The following GPC6 variants were observed in gnomAD, a reference collection of about 807,000 sequenced individuals.
GPC6 encodes glypican-6.
GPC6 carries 14 observed loss-of-function variants against 55.2 expected under a neutral mutation model. The ratio of observed to expected loss-of-function variants is 0.25; its 90% confidence interval spans 0.17 to 0.40. GPC6 has a LOEUF of 0.40. Ranked by LOEUF, GPC6 falls within the 10% of genes least tolerant of loss-of-function variation. The pLI, the probability that GPC6 is intolerant of heterozygous loss-of-function variation, is 1.00. For synonymous variants in GPC6, 278 were observed against 259.6 expected (o/e 1.07, Z -0.68); for missense variants, 641 against 708.5 (o/e 0.90, Z 1.08).
chr13:93,879,914 A>C (rs1874850928), intron 3 of GPC6, among the ~76,000 whole-genome samples: 1 of 151,504 alleles, frequency 6.6e-6, no homozygotes, highest in Non-Finnish European at 1.5e-5. Context: ...GGACATGAAC[A>C]GACATTTCTC....
At chr13:93,656,629 G>A (rs1312176996) in intron 2 of GPC6, among the ~76,000 whole-genome samples, 2 of 152,024 alleles carry the variant, frequency 1.3e-5, no homozygotes, top group East Asian at 1.9e-4. Context: ...GATTTCAGAG[G>A]ATATGGCTAT....
At chr13:93,765,240 A>AAAGACAACTTTCCAGATAAGCTGTCTGGG (rs2138882924) in intron 2 of GPC6, among the ~76,000 whole-genome samples, 1 of 78,416 alleles carries the variant, frequency 1.3e-5, no homozygotes. Flanking sequence ...AATTGTCTGG[A>AAAGACAACTTTCCAGATAAGCTGTCTGGG]AAGACAACTT....
intron 3 of GPC6, among the ~76,000 whole-genome samples, chr13:94,007,415 G>C (rs1377456226): frequency 6.6e-6 from 1 of 152,142 alleles, no homozygotes. Context: ...TGAACACATG[G>C]ATATTGATAG....
intron 1 of GPC6, among the ~76,000 whole-genome samples, chr13:93,500,310 G>A (rs559075299): frequency 8.5e-5 from 13 of 152,246 alleles, no homozygotes; most frequent in African/African-American, 2.9e-4. Context: ...AAAACACTTA[G>A]AATTTTGAAA....
intron 1 of GPC6, among the ~76,000 whole-genome samples, chr13:93,393,423 A>T (rs2762119): frequency 0.52 from 78,744 of 151,726 alleles, 22,490 homozygotes; most frequent in Non-Finnish European, 0.66. Context: ...GGATTACAGG[A>T]GTGAATCACC....
Position 93,934,414 on chromosome 13 carries a change from C to T in GPC6, c.712-93315C>T, listed in dbSNP as rs534001723. ...AAATGTATTATTAAAATTAAAGTCA[C>T]CTATTTTTTTCCTCTTCTTTCATTT... is the stretch of plus-strand genomic sequence containing the variant. On this transcript the variant is annotated intron_variant, in intron 3 of 8. Coordinates refer to ENST00000377047, the MANE Select transcript of GPC6 (RefSeq NM_005708.5). Among the ~76,000 whole-genome samples, 15 of 152,242 alleles carry T rather than the reference C, an allele frequency of 9.9e-5. No individual in the cohort carries two copies. In the East Asian group the frequency reaches 1.9e-3, roughly 20 times the overall value.
chr13:93,687,800 T>A (rs1275497230), intron 2 of GPC6, among the ~76,000 whole-genome samples: 1 of 114,874 alleles, frequency 8.7e-6, no homozygotes, highest in Non-Finnish European at 2.0e-5. Flanking sequence ...CTGAATGCAT[T>A]GTCTGGGCTC....
Position 93,609,548 on chromosome 13 carries a change from G to A in GPC6, c.319+64127G>A, listed in dbSNP as rs145591368. On this transcript the variant is annotated intron_variant, in intron 2 of 8. Coordinates refer to ENST00000377047, the MANE Select transcript of GPC6 (RefSeq NM_005708.5). Reference sequence around the variant, plus strand: ...CCACCGCGCCCAGCTGCTAACCTGAGTTTCTGTAGCAACTTCCTAACTGAT... The same window carrying A: ...CCACCGCGCCCAGCTGCTAACCTGAATTTCTGTAGCAACTTCCTAACTGAT... Among the ~76,000 whole-genome samples the A allele has an allele frequency of 1.6e-3, 251 of 152,162 alleles. 1 individual carries two copies. The highest frequency in any genetic ancestry group is 5.4e-3 in the African/African-American group (225 of 41,522).
At chr13:93,406,905 G>A (rs1485050333) in intron 1 of GPC6, among the ~76,000 whole-genome samples, 1 of 152,128 alleles carries the variant, frequency 6.6e-6, no homozygotes, top group Admixed American at 6.6e-5. Context: ...GTGAAGGACT[G>A]TTCTAGATTA....
chr13:93,683,068 T>C (rs1881912246), intron 2 of GPC6, among the ~76,000 whole-genome samples: 1 of 152,008 alleles, frequency 6.6e-6, no homozygotes, highest in African/African-American at 2.4e-5. Flanking sequence ...GTCTAGATAT[T>C]AAATCCTTAA....
upstream of GPC6, among the ~76,000 whole-genome samples, chr13:93,226,106 G>GT (rs1429510017): frequency 6.6e-6 from 1 of 152,160 alleles, no homozygotes; most frequent in African/African-American, 2.4e-5. Flanking sequence ...TGAGAATTAT[G>GT]TTAACTTGGA....
intron 1 of GPC6, among the ~76,000 whole-genome samples, chr13:93,272,799 T>C (rs1877582273): frequency 6.6e-6 from 1 of 152,178 alleles, no homozygotes; most frequent in South Asian, 2.1e-4. Flanking sequence ...TCTATGCCTG[T>C]GCCTATCCAT....
At chr13:94,304,509 C>T (rs1875841239) in intron 5 of GPC6, among the ~76,000 whole-genome samples, 2 of 152,274 alleles carry the variant, frequency 1.3e-5, no homozygotes, top group South Asian at 4.1e-4. Flanking sequence ...AGTTAAGGAT[C>T]AGCCCATGTA....
intron 6 of GPC6, among the ~76,000 whole-genome samples, chr13:94,371,181 T>A (rs1035917123): frequency 6.6e-6 from 1 of 152,170 alleles, no homozygotes; most frequent in African/African-American, 2.4e-5. Flanking sequence ...CTAAGATAAT[T>A]GAGAAATGGC....
Position 93,468,723 on chromosome 13 carries a change from A to T in GPC6, c.161-76540A>T, listed in dbSNP as rs541338343. Among the ~76,000 whole-genome samples, 4 of 152,326 alleles carry T rather than the reference A, an allele frequency of 2.6e-5. No individual in the cohort carries two copies. In the South Asian group the frequency reaches 8.3e-4, roughly 32 times the overall value. On this transcript the variant is annotated intron_variant, in intron 1 of 8. Coordinates refer to ENST00000377047, the MANE Select transcript of GPC6 (RefSeq NM_005708.5). ...CACTTTCAGATAAACTAACAGAAGA[A>T]GGAATACCTAAGGTAAACTAACTGG...
chr13:94,131,236 C>T (rs568306182), intron 4 of GPC6, among the ~76,000 whole-genome samples: 65 of 151,932 alleles, frequency 4.3e-4, no homozygotes, highest in Non-Finnish European at 7.4e-4. Context: ...TCTGGAATGC[C>T]GAAAACCTCT....
intron 6 of GPC6, among the ~76,000 whole-genome samples, chr13:94,332,551 G>C (rs1046202078): frequency 2.0e-5 from 3 of 152,154 alleles, no homozygotes; most frequent in Non-Finnish European, 4.4e-5. Flanking sequence ...CTCTGGTGTG[G>C]GGCTGGCTCA....
chr13:93,449,213 G>A (rs1338680890), intron 1 of GPC6, among the ~76,000 whole-genome samples: 1 of 151,428 alleles, frequency 6.6e-6, no homozygotes, highest in Non-Finnish European at 1.5e-5. Context: ...CATAAGGAAG[G>A]GTCCGAGATG....
chr13:93,673,269 T>C (rs1881442987), intron 2 of GPC6, among the ~76,000 whole-genome samples: 1 of 152,170 alleles, frequency 6.6e-6, no homozygotes. Context: ...GAGTTTGAAT[T>C]CCAAGTTATT....
Sources: gnomAD v4.1 joint callset for allele counts (sites outside exome capture counted in the v4.1 genomes callset) on GRCh38, gnomAD v4.1.1 for gene constraint, MANE v1.5 for transcripts, NCBI Gene and HGNC (gene_info 2026-07-23, HGNC 2026-07-21) for gene names.